The following SHCBP1 variants were observed in gnomAD, a reference collection of about 807,000 sequenced individuals.
The protein encoded by SHCBP1 is SHC SH2 domain-binding protein 1.
SHCBP1 carries 60 observed loss-of-function variants against 75.1 expected under a neutral mutation model. The observed-to-expected ratio is 0.80, with a 90% CI of 0.65 to 0.99. SHCBP1 has a LOEUF of 0.99. Among genes scored for constraint, SHCBP1 ranks in the 50% least tolerant of loss-of-function variants. The pLI is 0.00. For missense variants in SHCBP1, 709 were observed against 809.4 expected (o/e 0.88, Z 1.50); for synonymous variants, 290 against 293.2 (o/e 0.99, Z 0.11).
chr16:46,618,745 T>C (rs1013945181), intron 1 of SHCBP1, among the ~76,000 whole-genome samples: 8 of 152,116 alleles, frequency 5.3e-5, no homozygotes, highest in African/African-American at 9.7e-5. Context: ...GGACTCAAGC[T>C]ACCCTCCTGT....
intron 4 of SHCBP1, among the ~76,000 whole-genome samples, chr16:46,614,843 C>T (rs991571271): frequency 6.6e-6 from 1 of 152,136 alleles, no homozygotes; most frequent in African/African-American, 2.4e-5. Context: ...ATATACAAAC[C>T]CAATTAAGAA....
Position 46,583,533 on chromosome 16 carries a change from G to C in SHCBP1, c.1676C>G (p.Ala559Gly). 5 of 1,598,370 alleles carry C rather than the reference G, an allele frequency of 3.1e-6. No homozygotes were observed. Among genetic ancestry groups the C allele is most frequent in the Non-Finnish European group, 4.2e-6 (5 of 1,176,598 alleles). ...PTIFSDLQENAEDGTEENKAL... is the reference protein window; with the variant it reads ...PTIFSDLQENGEDGTEENKAL... ...AAATATACCTTCAGTTCCATCTTCA[G>C]CATTTTCTTGCAGGTCAGAGAAGAT... Residue 559 changes from alanine (A) to glycine (G), a missense_variant, in exon 12 of 13, where the codon GCT (alanine) becomes GGT (glycine). Ala to Gly is a moderately conservative substitution (Grantham distance 60, BLOSUM62 0). Transcript: ENST00000303383.
Position 46,608,318 on chromosome 16 carries a change from C to G in SHCBP1, c.668G>C (p.Cys223Ser), listed in dbSNP as rs769443227. ...TTACAATCTTAATCGAGGTTCAACACATCTGACAAAATAATCGTATTCATC... is the reference window on the plus strand; with the variant it reads ...TTACAATCTTAATCGAGGTTCAACAGATCTGACAAAATAATCGTATTCATC... ...EEDEYDYFVR[C>S]VEPRLRLHYD... The change falls in exon 5 of 13, where the codon TGT becomes TCT. Residue 223 changes from cysteine to serine, a missense_variant. Cys to Ser is a moderately radical substitution (Grantham distance 112, BLOSUM62 -1). Transcript: ENST00000303383. The G allele has an allele frequency of 6.8e-6, 11 of 1,613,142 alleles. No homozygotes were observed. Among genetic ancestry groups the G allele is most frequent in the Non-Finnish European group, 8.5e-6 (10 of 1,179,370 alleles).
intron 3 of SHCBP1, among the ~76,000 whole-genome samples, chr16:46,617,398 G>A (rs1666149218): frequency 6.6e-6 from 1 of 152,120 alleles, no homozygotes; most frequent in Admixed American, 6.5e-5. Flanking sequence ...AATTTTTTAA[G>A]TGATCTCAAA....
Position 46,603,696 on chromosome 16 carries a change from T to A in SHCBP1, c.1093-37A>T, listed in dbSNP as rs560256106. ...TAAGAACACATTTGTAAATATACACTCCCAAAAAAGTAATTTGAGTATTAC... is the reference window on the plus strand; with the variant it reads ...TAAGAACACATTTGTAAATATACACACCCAAAAAAGTAATTTGAGTATTAC... On this transcript the variant is annotated intron_variant, in intron 7 of 12. Coordinates refer to ENST00000303383, the MANE Select transcript of SHCBP1 (RefSeq NM_024745.5). 4 of 1,610,206 alleles carry A rather than the reference T, an allele frequency of 2.5e-6. No individual in the cohort carries two copies. In the East Asian group the frequency reaches 8.9e-5, roughly 36 times the overall value.
At chr16:46,596,730 C>CTTTTTTTTTTT (rs574771448) in intron 9 of SHCBP1, among the ~76,000 whole-genome samples, 1 of 139,908 alleles carries the variant, frequency 7.1e-6, no homozygotes, top group Non-Finnish European at 1.6e-5. Context: ...AATGAGTAAA[C>CTTTTTTTTTTT]TTTTTTTTTT....
At chr16:46,618,395 A>G (rs1965536706) in intron 1 of SHCBP1, 23 bp from the exon 2 acceptor site, 1 of 1,563,254 alleles carries the variant, frequency 6.4e-7, no homozygotes, top group Admixed American at 2.1e-5. Flanking sequence ...AGCAAAAATA[A>G]GCAAGCTCCA....
chr16:46,588,098 A>G (rs1014065709), intron 10 of SHCBP1, among the ~76,000 whole-genome samples: 3 of 152,212 alleles, frequency 2.0e-5, no homozygotes, highest in Non-Finnish European at 2.9e-5. Flanking sequence ...GAAGGCACAA[A>G]CAAAGATGTT....
In SHCBP1 at chr16:46,621,285, C is replaced by T. The variant is rs1173426355; in HGVS notation, c.75G>A (p.Val25=). The T allele has an allele frequency of 1.2e-6, 2 of 1,610,514 alleles. No individual in the cohort carries two copies. The highest frequency in any genetic ancestry group is 3.3e-5 in the Admixed American group (2 of 59,948). ...TCTCCAGAGACGCCAGCTCCTGCTCCACCGCCCAGCCCATGCGCTCCGGCG... is the reference window on the plus strand; with the variant it reads ...TCTCCAGAGACGCCAGCTCCTGCTCTACCGCCCAGCCCATGCGCTCCGGCG... ...AMAPERMGWA[V]EQELASLEKG... is the part of the protein sequence containing the mutation. Residue 25 remains valine, a synonymous_variant, in exon 1 of 13, where the codon GTG becomes GTA. Transcript: ENST00000303383.
chr16:46,587,220 TG>T (rs1479499298), intron 10 of SHCBP1, among the ~76,000 whole-genome samples: 1 of 152,122 alleles, frequency 6.6e-6, no homozygotes, highest in Non-Finnish European at 1.5e-5. Flanking sequence ...ATACTTTACT[TG>T]AACTGGTGAC....
At chr16:46,608,710 T>A (rs1048171508) in intron 4 of SHCBP1, among the ~76,000 whole-genome samples, 2 of 151,366 alleles carry the variant, frequency 1.3e-5, no homozygotes, top group African/African-American at 4.9e-5. Context: ...TTCAAGTGAT[T>A]CTCCTGCCTC....
At chr16:46,618,442 C>T in intron 1 of SHCBP1, 70 bp from the exon 2 acceptor site, 1 of 1,422,698 alleles carries the variant, frequency 7.0e-7, no homozygotes, top group Non-Finnish European at 9.3e-7. Flanking sequence ...CATATCCTTG[C>T]ATAGAAATCC....
At chr16:46,618,442 C>A in intron 1 of SHCBP1, 70 bp from the exon 2 acceptor site, 1 of 1,422,694 alleles carries the variant, frequency 7.0e-7, no homozygotes. Context: ...CATATCCTTG[C>A]ATAGAAATCC....
At chr16:46,601,147 A>G (rs1219644753) in intron 8 of SHCBP1, among the ~76,000 whole-genome samples, 2 of 152,182 alleles carry the variant, frequency 1.3e-5, no homozygotes, top group Non-Finnish European at 2.9e-5. Context: ...TGTCTCTACT[A>G]AAACTACAAA....
chr16:46,619,627 T>C (rs190723219), intron 1 of SHCBP1, among the ~76,000 whole-genome samples: 1 of 152,372 alleles, frequency 6.6e-6, no homozygotes, highest in East Asian at 1.9e-4. Context: ...ACATAATGTA[T>C]ATGTTTGTTA....
chr16:46,593,650 T>C (rs1349660390), intron 10 of SHCBP1, among the ~76,000 whole-genome samples: 3 of 152,018 alleles, frequency 2.0e-5, no homozygotes, highest in Admixed American at 6.6e-5. Flanking sequence ...GTTGGGAAGA[T>C]GGCTTGAGCC....
chr16:46,595,936 G>A (rs1041879120), intron 9 of SHCBP1, among the ~76,000 whole-genome samples: 7 of 151,944 alleles, frequency 4.6e-5, no homozygotes, highest in Non-Finnish European at 7.4e-5. Flanking sequence ...AAAAGCATCA[G>A]AGAGCAATTT....
chr16:46,594,081 C>A (rs1010574499), intron 10 of SHCBP1, among the ~76,000 whole-genome samples: 7 of 152,070 alleles, frequency 4.6e-5, no homozygotes, highest in Admixed American at 4.6e-4. Flanking sequence ...ATGACCTAAA[C>A]CTCACACCTT....
chr16:46,618,331 G>T lies in SHCBP1; in HGVS notation c.145C>A (p.Arg49Ser), dbSNP rs750821378. 4.3e-6 allele frequency: 7 copies of T among 1,611,606 alleles called. No individual in the cohort carries two copies. In the African/African-American group the frequency reaches 9.4e-5, roughly 22 times the overall value. ...TGTAAACTAGAACCTGGTTTATCAC[G>T]GTAGCTACAATCACTGCATGAATCT... ...DEDSCSDCSYRDKPGSSLQSF... is the reference protein window; with the variant it reads ...DEDSCSDCSYSDKPGSSLQSF... Residue 49 changes from arginine to serine, a missense_variant, in exon 2 of 13, where the codon CGT becomes AGT. Arg to Ser is a moderately radical substitution (Grantham distance 110). Coordinates refer to ENST00000303383, the MANE Select transcript of SHCBP1 (RefSeq NM_024745.5).
Sources: allele counts gnomAD v4.1 joint callset (sites outside exome capture counted in the v4.1 genomes callset), GRCh38; gene constraint gnomAD v4.1.1; transcripts MANE v1.5; gene names NCBI Gene and HGNC (gene_info 2026-07-23, HGNC 2026-07-21).